MYO16: variants seen among roughly 807,000 people sequenced by gnomAD.
The protein encoded by MYO16 is unconventional myosin-XVI.
MYO16 carries 94 observed loss-of-function variants against 205.3 expected under a neutral mutation model. That is an observed-to-expected ratio of 0.46 (90% CI 0.39 to 0.54). The LOEUF is 0.54. Among genes scored for constraint, MYO16 ranks in the 20% least tolerant of loss-of-function variants. The pLI is 0.00. For missense variants in MYO16, 2,315 were observed against 2,387.5 expected, an observed-to-expected ratio of 0.97 and a Z score of 0.63; for synonymous variants, 988 against 954.0, an observed-to-expected ratio of 1.04 and a Z score of -0.66.
the MYO16 span, among the ~76,000 whole-genome samples, chr13:108,528,722 T>A: frequency 9.7e-4 from 105 of 108,340 alleles, no homozygotes; most frequent in Middle Eastern, 4.9e-3. Flanking sequence ...TCACGTCACC[T>A]CCCTTCCCTT....
Position 108,984,332 on chromosome 13 carries a change from G to A in MYO16, c.2370-8044G>A, listed in dbSNP as rs1884552630. On this transcript the variant is annotated intron_variant, in intron 20 of 34. Coordinates refer to ENST00000457511, the MANE Select transcript of MYO16 (RefSeq NM_001198950.3). ...ATTAGCTTGCCTCTCCCAGTGCATC[G>A]ACCTTAACAAGCCCAAGTCCCAGAG... 3.3e-5 allele frequency among the ~76,000 whole-genome samples: 5 copies of A among 152,002 alleles called. No homozygotes were observed. In the South Asian group the frequency reaches 8.3e-4, roughly 25 times the overall value.
chr13:108,536,050 C>T, the MYO16 span, among the ~76,000 whole-genome samples: 8 of 148,786 alleles, frequency 5.4e-5, no homozygotes, highest in African/African-American at 9.8e-5. Context: ...TGTGTGTGCA[C>T]GTGTGTGAGT....
At chr13:108,712,412 T>A (rs1883756601) in intron 2 of MYO16, among the ~76,000 whole-genome samples, 1 of 152,232 alleles carries the variant, frequency 6.6e-6, no homozygotes, top group Admixed American at 6.5e-5. Flanking sequence ...CTTTAAAAAA[T>A]CTGTTTCACT....
chr13:108,770,443 A>G (rs1310515517), intron 4 of MYO16, among the ~76,000 whole-genome samples: 1 of 152,216 alleles, frequency 6.6e-6, no homozygotes, highest in Non-Finnish European at 1.5e-5. Context: ...TATATTAAAT[A>G]CACAATTTCC....
chr13:108,812,614 G>T (rs9587695), intron 7 of MYO16, among the ~76,000 whole-genome samples: 2,934 of 152,228 alleles, frequency 0.019, 88 homozygotes, highest in African/African-American at 0.068. Flanking sequence ...AAATGAAAGG[G>T]ATTTCAACCA....
chr13:109,086,224 G>A (rs1397923423), intron 27 of MYO16, among the ~76,000 whole-genome samples: 1 of 152,170 alleles, frequency 6.6e-6, no homozygotes, highest in Admixed American at 6.5e-5. Context: ...GTAGAATTAG[G>A]TAATTACCAG....
At chr13:109,001,497 C>T (rs1885211108) in intron 21 of MYO16, among the ~76,000 whole-genome samples, 1 of 152,104 alleles carries the variant, frequency 6.6e-6, no homozygotes. Context: ...TAAACATGAC[C>T]TTTCCCAAAC....
Position 109,207,833 on chromosome 13 carries a change from A to G in MYO16, c.*997A>G, listed in dbSNP as rs1880669437. 1 of 152,222 alleles carries G rather than the reference A, an allele frequency of 6.6e-6. No individual in the cohort carries two copies. The highest frequency in any genetic ancestry group is 1.5e-5 in the Non-Finnish European group (1 of 68,046). 9.4% of individuals were successfully genotyped at this position (152,222 alleles called of 1,614,324 possible). A position where few individuals can be genotyped will look rare whatever the true frequency, so the allele number is the denominator to read the frequency against. On this transcript the variant is annotated 3_prime_UTR_variant, in exon 35 of 35. Coordinates refer to ENST00000457511, the MANE Select transcript of MYO16 (RefSeq NM_001198950.3). ...ACACTGCATGATTCCCTCACTGTAT[A>G]TCCTCAACCCTCCCATAATGCAAGG...
At chr13:108,846,854 A>G (rs1436680246) in intron 10 of MYO16, among the ~76,000 whole-genome samples, 1 of 152,168 alleles carries the variant, frequency 6.6e-6, no homozygotes, top group Non-Finnish European at 1.5e-5. Flanking sequence ...GTTCAAATTA[A>G]CTAACATTCA....
chr13:109,073,285 AT>A (rs1887984948), intron 27 of MYO16, among the ~76,000 whole-genome samples: 1 of 144,748 alleles, frequency 6.9e-6, no homozygotes, highest in African/African-American at 2.5e-5. Flanking sequence ...TTTTTTTTGT[AT>A]CTTTTTAGTA....
In MYO16 at chr13:108,746,692, A is replaced by G. The variant is rs577785425; in HGVS notation, c.507+19109A>G. On this transcript the variant is annotated intron_variant, in intron 4 of 34. Coordinates refer to ENST00000457511, the MANE Select transcript of MYO16 (RefSeq NM_001198950.3). ...TTAAAAAATAAAATTTAAAAACAAA[A>G]AGAAAAGGGCGGAAGACATATTTGG... Among the ~76,000 whole-genome samples the G allele has an allele frequency of 1.4e-3, 216 of 152,288 alleles. 1 individual carries two copies. The highest frequency in any genetic ancestry group is 4.7e-3 in the Admixed American group (72 of 15,300).
chr13:108,918,957 A>C (rs866032516), intron 16 of MYO16, among the ~76,000 whole-genome samples: 1,242 of 30,982 alleles, frequency 0.04, 17 homozygotes, highest in African/African-American at 0.091. Context: ...AACAGAACAA[A>C]AAAAAAAAAA....
chr13:108,881,224 G>A (rs765370108), intron 12 of MYO16, among the ~76,000 whole-genome samples: 3 of 152,104 alleles, frequency 2.0e-5, no homozygotes, highest in Admixed American at 6.6e-5. Context: ...TGCAGCTGAG[G>A]GTCCTGACTG....
intron 23 of MYO16, among the ~76,000 whole-genome samples, chr13:109,045,157 C>T (rs186314373): frequency 2.4e-4 from 36 of 152,270 alleles, no homozygotes; most frequent in Admixed American, 1.5e-3. Flanking sequence ...GGCACTGCTG[C>T]TCCTAACTCA....
chr13:108,686,614 C>T (rs185964059), intron 2 of MYO16, among the ~76,000 whole-genome samples: 2 of 152,188 alleles, frequency 1.3e-5, no homozygotes, highest in Non-Finnish European at 2.9e-5. Flanking sequence ...AGGCAATGAT[C>T]GTTCCTAAAA....
intron 33 of MYO16, among the ~76,000 whole-genome samples, chr13:109,177,877 G>C (rs1448210149): frequency 6.6e-6 from 1 of 152,146 alleles, no homozygotes; most frequent in East Asian, 1.9e-4. Flanking sequence ...TCCTGCCACA[G>C]ATCCCCTGTC....
At chr13:108,849,062 C>T (rs900661342) in intron 10 of MYO16, among the ~76,000 whole-genome samples, 1 of 152,166 alleles carries the variant, frequency 6.6e-6, no homozygotes, top group South Asian at 2.1e-4. Flanking sequence ...CAAAACTACA[C>T]ACGACTGTCC....
intron 34 of MYO16, among the ~76,000 whole-genome samples, chr13:109,194,119 A>C (rs1880045560): frequency 6.6e-6 from 1 of 152,082 alleles, no homozygotes; most frequent in Non-Finnish European, 1.5e-5. Flanking sequence ...ATCTTTATTC[A>C]TATAATTTTT....
chr13:109,000,217 A>T (rs1885169172), intron 21 of MYO16, among the ~76,000 whole-genome samples: 2 of 152,222 alleles, frequency 1.3e-5, no homozygotes, highest in South Asian at 4.1e-4. Context: ...CAGATACGTA[A>T]ACTAGGAAAA....
Sources: allele counts gnomAD v4.1 joint callset (sites outside exome capture counted in the v4.1 genomes callset), GRCh38; gene constraint gnomAD v4.1.1; transcripts MANE v1.5; gene names NCBI Gene and HGNC (gene_info 2026-07-23, HGNC 2026-07-21).